PAH: variants seen among roughly 807,000 people sequenced by gnomAD.
The protein encoded by PAH is phenylalanine hydroxylase.
A neutral mutation model predicts 62.0 loss-of-function variants in PAH; 64 were observed. That is an observed-to-expected ratio of 1.03 (90% CI 0.84 to 1.27). The LOEUF (loss-of-function observed/expected upper bound fraction) is 1.27. PAH is among the 50% of genes most tolerant of loss of function. PAH has a pLI of 0.00. For synonymous variants in PAH, 195 were observed against 196.2 expected, an observed-to-expected ratio of 0.99 and a Z score of 0.05; for missense variants, 579 against 542.8, an observed-to-expected ratio of 1.07 and a Z score of -0.66.
chr12:102,916,144 AT>A (rs67729086), intron 1 of PAH, among the ~76,000 whole-genome samples: 5,530 of 150,038 alleles, frequency 0.037, 124 homozygotes, highest in African/African-American at 0.051. Context: ...TTCATAAGAA[AT>A]TTTTTTTTTT....
chr12:102,861,494 G>A lies in PAH; in HGVS notation c.509+5102C>T, dbSNP rs187336571. Among the ~76,000 whole-genome samples, 1,073 of 152,246 alleles carry A rather than the reference G, an allele frequency of 7.0e-3. 8 individuals are homozygous for A. The highest frequency in any genetic ancestry group is 0.017 in the Middle Eastern group (5 of 294). The stretch of plus-strand genomic sequence containing the variant: ...TCCCATTACTGGGTATATACCCAAA[G>A]GATTATAAATCATGCTGCTATAAAG... On this transcript the variant is annotated intron_variant, in intron 5 of 12. Transcript: ENST00000553106.
rs62508720 is a variant in PAH, at chr12:102,844,382, A to G, written c.1019T>C (p.Ile340Thr). 1 of 1,613,992 alleles carries G rather than the reference A, an allele frequency of 6.2e-7. No individual in the cohort carries two copies. Among genetic ancestry groups the G allele is most frequent in the Non-Finnish European group, 8.5e-7 (1 of 1,179,888 alleles). Residue 340 changes from isoleucine to threonine, a missense_variant, in exon 10 of 13, where the codon ATA (isoleucine) becomes ACA (threonine). By Grantham distance (89) the Ile-to-Thr change is moderately conservative. Transcript: ENST00000553106. ...CAGGAGCCCAGCACCATATGCCTTT[A>G]TGGAGTCTCCTTGTTTGCAGAGCCC... ...EFGLCKQGDSIKAYGAGLLSS... is the reference protein window; with the variant it reads ...EFGLCKQGDSTKAYGAGLLSS...
intron 1 of PAH, chr12:102,950,034 A>G (rs1879678135): frequency 6.6e-6 from 1 of 152,214 alleles, no homozygotes. Flanking sequence ...TGATTAGCAT[A>G]TACCTCCTGT....
intron 1 of PAH, chr12:102,923,729 A>G (rs1878613720): frequency 6.6e-6 from 1 of 152,178 alleles, no homozygotes; most frequent in African/African-American, 2.4e-5. Flanking sequence ...AATTCTGATT[A>G]TTTCTCTAAT....
chr12:102,903,674 G>A (rs1641597310), intron 2 of PAH, among the ~76,000 whole-genome samples: 1 of 152,188 alleles, frequency 6.6e-6, no homozygotes, highest in Admixed American at 6.5e-5. Context: ...AAAAATGGAA[G>A]GTAAATTCTG....
chr12:102,945,695 G>C (rs1879467881), intron 1 of PAH, among the ~76,000 whole-genome samples: 1 of 152,162 alleles, frequency 6.6e-6, no homozygotes, highest in Non-Finnish European at 1.5e-5. Context: ...CTCTTCAGAG[G>C]AGTGGGCCCC....
At chr12:102,910,525 C>A (rs966470586) in intron 2 of PAH, among the ~76,000 whole-genome samples, 13 of 152,086 alleles carry the variant, frequency 8.5e-5, no homozygotes, top group Admixed American at 3.3e-4. Flanking sequence ...CACCCACCAC[C>A]ACGCCGGGCT....
intron 2 of PAH, among the ~76,000 whole-genome samples, chr12:102,895,868 A>AT (rs1248385472): frequency 0.023 from 3,062 of 135,466 alleles, 54 homozygotes; most frequent in African/African-American, 0.073. Flanking sequence ...AAAAAAAAAA[A>AT]AATATATATA....
chr12:102,856,468 C>G (rs1225254330), intron 5 of PAH, among the ~76,000 whole-genome samples: 1 of 152,208 alleles, frequency 6.6e-6, no homozygotes, highest in African/African-American at 2.4e-5. Context: ...CCCTGTCTGA[C>G]AGCTTTGAAG....
At position 102,870,421 on chromosome 12, in the gene PAH, C is replaced by T. The variant is rs1876255416; in HGVS notation, c.442-3758G>A. ...CAGTAAAATAAGACTGTCAATCCTA[C>T]CTGCTTCACAGTGTTGTACAGTTTA... On this transcript the variant is annotated intron_variant, in intron 4 of 12. Coordinates refer to ENST00000553106, the MANE Select transcript of PAH (RefSeq NM_000277.3). Among the ~76,000 whole-genome samples, 3 of 152,162 alleles carry T rather than the reference C, an allele frequency of 2.0e-5. No homozygotes were observed. In the South Asian group the frequency reaches 6.2e-4, roughly 32 times the overall value.
chr12:102,886,546 T>C (rs2136691225), intron 3 of PAH, among the ~76,000 whole-genome samples: 1 of 152,234 alleles, frequency 6.6e-6, no homozygotes, highest in East Asian at 1.9e-4. Context: ...TGCATTGAGA[T>C]CTGGTTACCT....
At chr12:102,874,093 G>C (rs149081557) in intron 4 of PAH, among the ~76,000 whole-genome samples, 230 of 152,314 alleles carry the variant, frequency 1.5e-3, no homozygotes, top group African/African-American at 5.2e-3. Flanking sequence ...TAGTAACAGT[G>C]TGAGAAACTT....
intron 6 of PAH, chr12:102,854,925 T>C: frequency 3.2e-6 from 2 of 630,328 alleles, no homozygotes; most frequent in South Asian, 3.5e-5. Flanking sequence ...CTCAGGTGTT[T>C]GATTGAATGA....
chr12:102,859,263 G>A (rs1310536791), intron 5 of PAH, among the ~76,000 whole-genome samples: 1 of 152,100 alleles, frequency 6.6e-6, no homozygotes, highest in Non-Finnish European at 1.5e-5. Context: ...ACCCTCCCAA[G>A]ACTAAACCAG....
chr12:102,948,198 G>T (rs1004589268), intron 1 of PAH, among the ~76,000 whole-genome samples: 1 of 152,170 alleles, frequency 6.6e-6, no homozygotes, highest in Non-Finnish European at 1.5e-5. Context: ...CATTTTATAA[G>T]TTACAGGTTT....
upstream of PAH, among the ~76,000 whole-genome samples, chr12:102,951,295 G>A (rs978892419): frequency 6.6e-6 from 1 of 152,168 alleles, no homozygotes; most frequent in Non-Finnish European, 1.5e-5. Context: ...CCCGCTGCGC[G>A]CTACCAGGGA....
intron 2 of PAH, among the ~76,000 whole-genome samples, chr12:102,907,596 C>CTTCTT (rs898600632): frequency 2.0e-5 from 3 of 151,716 alleles, no homozygotes; most frequent in African/African-American, 4.8e-5. Flanking sequence ...CATCTTTTTC[C>CTTCTT]TTCTTTTCTT....
At chr12:102,954,924 G>T (rs1272741669), upstream of PAH, among the ~76,000 whole-genome samples, 3 of 152,232 alleles carry the variant, frequency 2.0e-5, no homozygotes, top group African/African-American at 7.2e-5. Context: ...GTTTACTTGA[G>T]TGGGGGGAGG....
In PAH at chr12:102,904,058, C is replaced by T. The variant is rs915684106; in HGVS notation, c.168+8733G>A. ...AATAATTGAAAGTTGGAACAATCTA[C>T]TGAGGTCAGTGGGATGTTGTAGGTT... On this transcript the variant is annotated intron_variant, in intron 2 of 12. Coordinates refer to ENST00000553106, the MANE Select transcript of PAH (RefSeq NM_000277.3). Among the ~76,000 whole-genome samples the T allele has an allele frequency of 5.3e-5, 8 of 152,122 alleles. No individual in the cohort carries two copies. The East Asian group carries it at 1.2e-3, about 22-fold the overall frequency.
Sources: allele counts gnomAD v4.1 joint callset (sites outside exome capture counted in the v4.1 genomes callset), GRCh38; gene constraint gnomAD v4.1.1; transcripts MANE v1.5; gene names NCBI Gene and HGNC (gene_info 2026-07-23, HGNC 2026-07-21).